CDK17: variants seen among roughly 807,000 people sequenced by gnomAD.
The protein encoded by CDK17 is cyclin-dependent kinase 17.
In CDK17, 24 loss-of-function variants were observed where a neutral mutation model predicts 77.6. The observed-to-expected ratio is 0.31, with a 90% CI of 0.22 to 0.44. The LOEUF (loss-of-function observed/expected upper bound fraction) is 0.44, where lower values mean the gene tolerates loss of function less well. Ranked by LOEUF, CDK17 falls within the 20% of genes least tolerant of loss-of-function variation. The probability of loss-of-function intolerance (pLI) is 1.00; values close to 1 mark genes in which losing one functional copy is unlikely to be tolerated. For missense variants in CDK17, 429 were observed against 622.5 expected (o/e 0.69, Z 3.31); for synonymous variants, 203 against 210.4 (o/e 0.96, Z 0.30).
At chr12:96,363,846 C>T (rs1428453449) in intron 1 of CDK17, among the ~76,000 whole-genome samples, 1 of 152,222 alleles carries the variant, frequency 6.6e-6, no homozygotes, top group Non-Finnish European at 1.5e-5. Context: ...GAGACTCTGT[C>T]TCAAAACAAA....
At chr12:96,314,118 T>C (rs1003214196) in intron 3 of CDK17, among the ~76,000 whole-genome samples, 38 of 152,306 alleles carry the variant, frequency 2.5e-4, no homozygotes, top group African/African-American at 9.1e-4. Flanking sequence ...AGGTGGGTTA[T>C]GGCATGCTTA....
chr12:96,300,175 G>A lies in CDK17; in HGVS notation c.600+129C>T, dbSNP rs572294639. 8.3e-5 allele frequency: 55 copies of A among 662,172 alleles called. No homozygotes were observed. In the South Asian group the frequency reaches 9.6e-4, roughly 12 times the overall value. The allele number at this position is 662,172 out of a possible 1,614,324, so 41.0% of individuals were successfully genotyped here. ...TCCTAGAAACTCTGTTACCTTTCCA[G>A]AACAAGTATATAATCTTGTAGACAT... is the stretch of plus-strand genomic sequence containing the variant. On this transcript the variant is annotated intron_variant, in intron 6 of 16. Coordinates refer to ENST00000261211, the MANE Select transcript of CDK17 (RefSeq NM_002595.5).
At chr12:96,378,414 T>C (rs1000655278) in intron 1 of CDK17, among the ~76,000 whole-genome samples, 1 of 152,358 alleles carries the variant, frequency 6.6e-6, no homozygotes, top group East Asian at 1.9e-4. Flanking sequence ...AATAGTTCCT[T>C]CCTTTCCAGC....
rs554513073 is a variant in CDK17, at chr12:96,388,820, G to A, written c.-30+11166C>T. On this transcript the variant is annotated intron_variant, in intron 1 of 16. Coordinates refer to ENST00000261211, the MANE Select transcript of CDK17 (RefSeq NM_002595.5). ...TCTGCTTGGCAACTGGGGAGGCCTCGGGAAGCTTTTACTCATGGTGCAAAA... is the reference window on the plus strand; with the variant it reads ...TCTGCTTGGCAACTGGGGAGGCCTCAGGAAGCTTTTACTCATGGTGCAAAA... Among the ~76,000 whole-genome samples, 7 of 152,096 alleles carry A rather than the reference G, an allele frequency of 4.6e-5. No individual in the cohort carries two copies. The East Asian group carries it at 9.7e-4, about 21-fold the overall frequency.
intron 6 of CDK17, 66 bp downstream of exon 6, chr12:96,300,238 G>T: frequency 9.7e-7 from 1 of 1,030,524 alleles, no homozygotes; most frequent in Non-Finnish European, 1.5e-6. Context: ...AAAAACCGTG[G>T]AGTAACAGAG....
intron 1 of CDK17, among the ~76,000 whole-genome samples, chr12:96,354,206 G>A (rs1426409971): frequency 2.0e-5 from 3 of 152,190 alleles, no homozygotes; most frequent in Admixed American, 2.0e-4. Flanking sequence ...CCAAGTCTCT[G>A]AAAGTGAGAG....
chr12:96,287,868 C>T (rs1300310996), intron 11 of CDK17, among the ~76,000 whole-genome samples: 6 of 152,176 alleles, frequency 3.9e-5, no homozygotes, highest in East Asian at 3.9e-4. Flanking sequence ...TACACTACAA[C>T]GTGAATGAAC....
At chr12:96,336,069 T>G (rs977513225) in intron 1 of CDK17, among the ~76,000 whole-genome samples, 1 of 152,184 alleles carries the variant, frequency 6.6e-6, no homozygotes, top group South Asian at 2.1e-4. Context: ...TGCATATTAG[T>G]TACAGAATAA....
chr12:96,380,185 C>A (rs12829762), intron 1 of CDK17, among the ~76,000 whole-genome samples: 3,314 of 133,536 alleles, frequency 0.025, 98 homozygotes, highest in Admixed American at 0.076. Context: ...AAAAAAAAAA[C>A]AAAAAAAAAA....
intron 16 of CDK17, chr12:96,280,499 G>A (rs1565800438): frequency 7.1e-7 from 1 of 1,409,568 alleles, no homozygotes; most frequent in Non-Finnish European, 9.2e-7. Flanking sequence ...CACAAGATGT[G>A]TCTTCTGCCT....
chr12:96,355,400 T>G (rs1953378420), intron 1 of CDK17, among the ~76,000 whole-genome samples: 3 of 25,828 alleles, frequency 1.2e-4, no homozygotes, highest in African/African-American at 2.0e-4. Context: ...TACATTGGGT[T>G]TTTTTTTTTT....
chr12:96,371,244 C>T (rs1019086524), intron 1 of CDK17, among the ~76,000 whole-genome samples: 2 of 151,608 alleles, frequency 1.3e-5, no homozygotes, highest in African/African-American at 4.9e-5. Flanking sequence ...TCTACAATAC[C>T]AGATTATCTC....
At chr12:96,333,724 GAA>G (rs1175968181) in intron 2 of CDK17, among the ~76,000 whole-genome samples, 1 of 150,926 alleles carries the variant, frequency 6.6e-6, no homozygotes, top group East Asian at 2.0e-4. Flanking sequence ...ACAAATGAAT[GAA>G]AGGGTCCTTG....
intron 1 of CDK17, among the ~76,000 whole-genome samples, chr12:96,344,432 T>C (rs1158860893): frequency 1.3e-5 from 2 of 152,084 alleles, no homozygotes; most frequent in Middle Eastern, 3.2e-3. Context: ...ACAAATAAAG[T>C]ATCTTGAAAG....
chr12:96,369,680 G>A (rs1207708520), intron 1 of CDK17, among the ~76,000 whole-genome samples: 2 of 152,344 alleles, frequency 1.3e-5, no homozygotes, highest in East Asian at 3.9e-4. Flanking sequence ...CTTGGTGGCT[G>A]AGGCATGAGA....
chr12:96,296,128 A>G (rs1412484204), intron 9 of CDK17, among the ~76,000 whole-genome samples: 2 of 152,238 alleles, frequency 1.3e-5, no homozygotes, highest in Non-Finnish European at 2.9e-5. Context: ...TATAAAGGCC[A>G]TTTAAACAAA....
At chr12:96,288,035 G>C (rs1001152219) in intron 11 of CDK17, among the ~76,000 whole-genome samples, 4 of 152,076 alleles carry the variant, frequency 2.6e-5, no homozygotes, top group African/African-American at 9.7e-5. Flanking sequence ...GAGGGGAATA[G>C]GAAGAAATTG....
At chr12:96,313,534 A>G in intron 3 of CDK17, 80 bp from the exon 4 acceptor site, 1 of 754,286 alleles carries the variant, frequency 1.3e-6, no homozygotes, top group Non-Finnish European at 1.9e-6. Context: ...TAAAATATAG[A>G]AGGCCAACGA....
chr12:96,363,321 G>A (rs1332243479), intron 1 of CDK17, among the ~76,000 whole-genome samples: 1 of 151,852 alleles, frequency 6.6e-6, no homozygotes, highest in Admixed American at 6.6e-5. Flanking sequence ...CATGGTGGTG[G>A]GCGCCTGTAA....
Sources: allele counts gnomAD v4.1 joint callset (sites outside exome capture counted in the v4.1 genomes callset), GRCh38; gene constraint gnomAD v4.1.1; transcripts MANE v1.5; gene names NCBI Gene and HGNC (gene_info 2026-07-23, HGNC 2026-07-21).